The following MSI2 variants were observed in gnomAD, a reference collection of about 807,000 sequenced individuals.
The protein encoded by MSI2 is RNA-binding protein Musashi homolog 2.
MSI2 carries 17 observed loss-of-function variants against 45.6 expected under a neutral mutation model. The ratio of observed to expected loss-of-function variants is 0.37; its 90% CI spans 0.26 to 0.56. The LOEUF (loss-of-function observed/expected upper bound fraction) is 0.56, where lower values mean the gene tolerates loss of function less well. Ranked by LOEUF, MSI2 falls within the 20% of genes least tolerant of loss-of-function variation. MSI2 has a pLI of 0.77. For synonymous variants in MSI2, 156 were observed against 158.2 expected (o/e 0.99, Z 0.11); for missense variants, 293 against 444.2 (o/e 0.66, Z 3.06).
In MSI2 at chr17:57,543,888, TGAATCATTCCTTGGCAAA is replaced by T. The variant is rs1255725548; in HGVS notation, c.454+14167_454+14184del. Reference sequence around the variant, plus strand: ...AGAACTCTAGCTTTTAATGGACAATTGAATCATTCCTTGGCAAAGAGGAAATCATCTAATTACATGTTT... The same window carrying T: ...AGAACTCTAGCTTTTAATGGACAATTGAGGAAATCATCTAATTACATGTTT... On this transcript the variant is annotated intron_variant, in intron 7 of 13. Transcript: ENST00000284073. Among the ~76,000 whole-genome samples the T allele has an allele frequency of 3.9e-5, 6 of 152,222 alleles. 1 individual carries two copies. Among genetic ancestry groups the T allele is most frequent in the Non-Finnish European group, 2.9e-5 (2 of 68,032 alleles).
chr17:57,568,498 G>A (rs1186455485), intron 7 of MSI2, among the ~76,000 whole-genome samples: 1 of 152,190 alleles, frequency 6.6e-6, no homozygotes, highest in Non-Finnish European at 1.5e-5. Context: ...CCTGTAGAAG[G>A]TGGTCGACCC....
chr17:57,371,631 G>A (rs2083423387), intron 5 of MSI2, among the ~76,000 whole-genome samples: 1 of 151,454 alleles, frequency 6.6e-6, no homozygotes, highest in Non-Finnish European at 1.5e-5. Context: ...CTGTTTTTAT[G>A]TTGTGGTTTT....
intron 5 of MSI2, among the ~76,000 whole-genome samples, chr17:57,268,833 TCAAA>T (rs375379200): frequency 0.011 from 1,641 of 152,004 alleles, 28 homozygotes; most frequent in African/African-American, 0.035. Flanking sequence ...AGACTCCATC[TCAAA>T]CAAACAAACA....
chr17:57,421,221 G>T (rs2084389114), intron 6 of MSI2, among the ~76,000 whole-genome samples: 1 of 152,112 alleles, frequency 6.6e-6, no homozygotes, highest in East Asian at 1.9e-4. Flanking sequence ...GGCTCCATCA[G>T]CGCTTTTAAT....
intron 5 of MSI2, among the ~76,000 whole-genome samples, chr17:57,331,205 C>T (rs1263380210): frequency 2.0e-5 from 3 of 152,166 alleles, no homozygotes; most frequent in East Asian, 1.9e-4. Context: ...TGAGCCACTG[C>T]GCCTGGCCAT....
Position 57,468,125 on chromosome 17 carries a change from C to T in MSI2, c.406-61551C>T, listed in dbSNP as rs568641083. Among the ~76,000 whole-genome samples the T allele has an allele frequency of 9.9e-5, 15 of 151,942 alleles. No homozygotes were observed. The South Asian group carries it at 2.3e-3, about 23-fold the overall frequency. ...TGGTGCCACCATTTACTGTCTGTTA[C>T]GTAACCTCTTAGAGCCTTAGTTCCC... is the stretch of plus-strand genomic sequence containing the variant. On this transcript the variant is annotated intron_variant, in intron 6 of 13. Transcript: ENST00000284073.
At chr17:57,336,272 G>C (rs1317478756) in intron 5 of MSI2, among the ~76,000 whole-genome samples, 1 of 152,174 alleles carries the variant, frequency 6.6e-6, no homozygotes, top group Non-Finnish European at 1.5e-5. Context: ...GTAAGGCCAA[G>C]GCTTTTGGCC....
chr17:57,576,246 C>G (rs2088044469), intron 7 of MSI2, among the ~76,000 whole-genome samples: 1 of 152,200 alleles, frequency 6.6e-6, no homozygotes, highest in Non-Finnish European at 1.5e-5. Flanking sequence ...CTCAACAACT[C>G]TATTCCTTGC....
chr17:57,564,678 A>G (rs1280887407), intron 7 of MSI2, among the ~76,000 whole-genome samples: 2 of 152,208 alleles, frequency 1.3e-5, no homozygotes, highest in African/African-American at 2.4e-5. Context: ...GCACAGATGT[A>G]TAAAGTGTCT....
intron 7 of MSI2, among the ~76,000 whole-genome samples, chr17:57,560,408 C>T (rs1370718459): frequency 6.6e-6 from 1 of 152,304 alleles, no homozygotes; most frequent in East Asian, 1.9e-4. Flanking sequence ...CACTTCCACC[C>T]ACTTCCATGG....
chr17:57,279,564 C>T (rs904510385), intron 5 of MSI2: 1 of 152,226 alleles, frequency 6.6e-6, no homozygotes, highest in Non-Finnish European at 1.5e-5. Flanking sequence ...AACTCAGTCC[C>T]TGCCCTTGTG....
chr17:57,694,731 C>T, the MSI2 span, among the ~76,000 whole-genome samples: 51 of 152,188 alleles, frequency 3.4e-4, no homozygotes, highest in Non-Finnish European at 6.8e-4. Flanking sequence ...CAGTACACAA[C>T]ATGGCCTTAG....
At chr17:57,480,353 T>C (rs555097122) in intron 6 of MSI2, among the ~76,000 whole-genome samples, 1 of 152,212 alleles carries the variant, frequency 6.6e-6, no homozygotes, top group South Asian at 2.1e-4. Flanking sequence ...ATGTTAGATA[T>C]CAATGTAACC....
intron 8 of MSI2, among the ~76,000 whole-genome samples, chr17:57,597,574 CAT>C (rs1215437260): frequency 2.0e-5 from 3 of 151,616 alleles, no homozygotes; most frequent in Non-Finnish European, 4.4e-5. Flanking sequence ...TGCAGTGAGC[CAT>C]GATCACACCA....
At chr17:57,335,354 C>T (rs1023717860) in intron 5 of MSI2, among the ~76,000 whole-genome samples, 1 of 152,230 alleles carries the variant, frequency 6.6e-6, no homozygotes, top group Non-Finnish European at 1.5e-5. Context: ...TGCCTTTACA[C>T]CAGCCAGCTC....
At chr17:57,534,439 C>T (rs536299835) in intron 7 of MSI2, among the ~76,000 whole-genome samples, 22 of 152,328 alleles carry the variant, frequency 1.4e-4, no homozygotes, top group Middle Eastern at 6.8e-3. Context: ...CCAGTCGGCA[C>T]GATGGCTCAC....
intron 7 of MSI2, among the ~76,000 whole-genome samples, chr17:57,586,514 A>G: frequency 6.6e-6 from 1 of 151,218 alleles, no homozygotes; most frequent in East Asian, 2.0e-4. Flanking sequence ...AAAAAAAAAA[A>G]TCTCCTAGTG....
chr17:57,589,590 A>G lies in MSI2; in HGVS notation c.455-7278A>G, dbSNP rs560632396. Among the ~76,000 whole-genome samples, 3 of 152,326 alleles carry G rather than the reference A, an allele frequency of 2.0e-5. No homozygotes were observed. In the East Asian group the frequency reaches 5.8e-4, roughly 29 times the overall value. On this transcript the variant is annotated intron_variant, in intron 7 of 13. Coordinates refer to ENST00000284073, the MANE Select transcript of MSI2 (RefSeq NM_138962.4). ...GGGGTTGCCAATGGACGCACAGCCA[A>G]CTGGGGCTCGACTTGTGACGATGCA... is the stretch of plus-strand genomic sequence containing the variant.
At chr17:57,649,460 C>T (rs1423310646) in intron 10 of MSI2, among the ~76,000 whole-genome samples, 1 of 151,978 alleles carries the variant, frequency 6.6e-6, no homozygotes, top group Non-Finnish European at 1.5e-5. Context: ...ATACACTCAA[C>T]ACACACATCC....
Sources: allele counts gnomAD v4.1 joint callset (sites outside exome capture counted in the v4.1 genomes callset), GRCh38; gene constraint gnomAD v4.1.1; transcripts MANE v1.5; gene names NCBI Gene and HGNC (gene_info 2026-07-23, HGNC 2026-07-21).